Variants in ZC3H11A observed in about 807,000 individuals in gnomAD.
ZC3H11A encodes the protein zinc finger CCCH-type containing 11A, also known as zinc finger CCCH domain-containing protein 11A.
A neutral mutation model predicts 90.8 loss-of-function variants in ZC3H11A; 22 were observed. The ratio of observed to expected loss-of-function variants is 0.24; its 90% CI spans 0.17 to 0.35. ZC3H11A has a LOEUF of 0.35. Ranked by LOEUF, ZC3H11A falls within the 10% of genes least tolerant of loss-of-function variation. The pLI, the probability that ZC3H11A is intolerant of heterozygous loss-of-function variation, is 1.00. For missense variants in ZC3H11A, 701 were observed against 964.9 expected, an observed-to-expected ratio of 0.73 and a Z score of 3.62; for synonymous variants, 294 against 339.8, an observed-to-expected ratio of 0.87 and a Z score of 1.48.
rs59033094 is a variant in ZC3H11A at position 203,838,954 on chromosome 1, CAAAAAAAAAAAA to C, written c.973+900_973+911del. 9.2e-5 allele frequency among the ~76,000 whole-genome samples: 9 copies of C among 97,934 alleles called. No individual in the cohort carries two copies. The East Asian group carries it at 2.2e-3, about 23-fold the overall frequency. The allele number at this position is 97,934 out of a possible 152,430, so 64.2% of individuals were successfully genotyped here. On this transcript the variant is annotated intron_variant, in intron 11 of 17. Coordinates refer to ENST00000367210, the MANE Select transcript of ZC3H11A (RefSeq NM_001376342.1). ...TGGGTGACCGAGTGAGACTTCATCT[CAAAAAAAAAAAA>C]AAAAAAAAAGAAAGAAAGAAAGGTT...
At position 203,814,157 on chromosome 1, in the gene ZC3H11A, C is replaced by G. The variant is rs573702425; in HGVS notation, c.-145-2769C>G. On this transcript the variant is annotated intron_variant, in intron 2 of 17. Coordinates refer to ENST00000367210, the MANE Select transcript of ZC3H11A (RefSeq NM_001376342.1). ...CTTAGAAATCTCCTCAGCTAAAACC[C>G]AAGTTCATTGCTTCCAGGTTCTGCC... Among the ~76,000 whole-genome samples the G allele has an allele frequency of 7.9e-5, 12 of 152,240 alleles. No homozygotes were observed. The East Asian group carries it at 2.1e-3, about 27-fold the overall frequency.
At chr1:203,798,239 C>T in intron 1 of ZC3H11A, 1 of 1,536,000 alleles carries the variant, frequency 6.5e-7, no homozygotes, top group Non-Finnish European at 8.7e-7. Flanking sequence ...CATCTGATGC[C>T]CTAAGGGCAG....
intron 17 of ZC3H11A, 42 bp downstream of exon 17, chr1:203,851,166 G>T: frequency 6.3e-7 from 1 of 1,589,958 alleles, no homozygotes; most frequent in South Asian, 1.1e-5. Flanking sequence ...CCAGGCCCCT[G>T]TTACTGTTTA....
At chr1:203,834,047 T>C (rs1384845135) in intron 10 of ZC3H11A, 194 bp downstream of exon 10, 1 of 1,251,990 alleles carries the variant, frequency 8.0e-7, no homozygotes, top group East Asian at 3.2e-5. Flanking sequence ...AGTGTTACAA[T>C]TGAACTAGAT....
At chr1:203,819,771 T>C (rs1677862198) in intron 4 of ZC3H11A, among the ~76,000 whole-genome samples, 1 of 149,806 alleles carries the variant, frequency 6.7e-6, no homozygotes, top group African/African-American at 2.4e-5. Context: ...TGATCTCTGG[T>C]GATCCACTTG....
At chr1:203,808,864 G>A (rs910195417) in intron 2 of ZC3H11A, among the ~76,000 whole-genome samples, 3 of 151,802 alleles carry the variant, frequency 2.0e-5, no homozygotes, top group East Asian at 1.9e-4. Context: ...GCGTTTTTCT[G>A]TTGTTGCCCA....
chr1:203,814,552 C>T (rs1478909931), intron 2 of ZC3H11A, among the ~76,000 whole-genome samples: 3 of 151,974 alleles, frequency 2.0e-5, no homozygotes, highest in African/African-American at 7.2e-5. Context: ...AACCTTTCCT[C>T]CAGTTTCCAA....
intron 9 of ZC3H11A, among the ~76,000 whole-genome samples, chr1:203,833,140 C>G (rs879424445): frequency 1.3e-5 from 2 of 152,046 alleles, no homozygotes; most frequent in Non-Finnish European, 2.9e-5. Context: ...GAGGCCGAGG[C>G]GGGCAGATCA....
At chr1:203,827,495 A>G (rs1424804041) in intron 4 of ZC3H11A, among the ~76,000 whole-genome samples, 3 of 151,934 alleles carry the variant, frequency 2.0e-5, no homozygotes, top group East Asian at 1.9e-4. Context: ...CCTGGCTAAC[A>G]TGGTAAAACC....
chr1:203,813,002 T>C (rs1385340098), intron 2 of ZC3H11A, among the ~76,000 whole-genome samples: 1 of 152,192 alleles, frequency 6.6e-6, no homozygotes, highest in East Asian at 1.9e-4. Flanking sequence ...TCAGATCTTT[T>C]GCCTTTTTGA....
intron 4 of ZC3H11A, among the ~76,000 whole-genome samples, chr1:203,824,149 T>C (rs1470759425): frequency 6.6e-6 from 1 of 151,756 alleles, no homozygotes; most frequent in African/African-American, 2.4e-5. Flanking sequence ...AGCCATGTAG[T>C]CCCAGCTACT....
rs916115414 is a variant in ZC3H11A at position 203,854,035 on chromosome 1, T to C, written c.*1636T>C. 2.6e-5 allele frequency: 4 copies of C among 152,688 alleles called. No homozygotes were observed. Among genetic ancestry groups the C allele is most frequent in the African/African-American group, 9.6e-5 (4 of 41,478 alleles). 9.5% of individuals were successfully genotyped at this position (152,688 alleles called of 1,614,324 possible). A position where few individuals can be genotyped will look rare whatever the true frequency, so the allele number is the denominator to read the frequency against. ...TATTTAAAGCACTTGTATTAGTCAATGTTTCGTGTTCCGCATTATTTGAAC... is the reference window on the plus strand; with the variant it reads ...TATTTAAAGCACTTGTATTAGTCAACGTTTCGTGTTCCGCATTATTTGAAC... On this transcript the variant is annotated 3_prime_UTR_variant, in exon 18 of 18. Coordinates refer to ENST00000367210, the MANE Select transcript of ZC3H11A (RefSeq NM_001376342.1).
intron 10 of ZC3H11A, among the ~76,000 whole-genome samples, chr1:203,837,458 T>G (rs972111226): frequency 2.0e-5 from 3 of 151,828 alleles, no homozygotes; most frequent in Non-Finnish European, 4.4e-5. Flanking sequence ...GTCTCTCTTT[T>G]TTTTTTTTTC....
chr1:203,825,095 A>AG (rs397973128), intron 4 of ZC3H11A, among the ~76,000 whole-genome samples: 1 of 151,248 alleles, frequency 6.6e-6, no homozygotes, highest in Non-Finnish European at 1.5e-5. Flanking sequence ...AAAAAAAAAA[A>AG]GAAAATAGAT....
chr1:203,799,303 A>G (rs755566152), intron 1 of ZC3H11A: 2 of 715,322 alleles, frequency 2.8e-6, no homozygotes, highest in Admixed American at 2.0e-5. Context: ...GTCATTCAGG[A>G]CTTTTTCTGC....
intron 15 of ZC3H11A, 108 bp downstream of exon 15, chr1:203,850,134 T>C (rs1196640442): frequency 3.2e-6 from 3 of 941,748 alleles, no homozygotes; most frequent in Non-Finnish European, 4.9e-6. Context: ...TTCATTTGCC[T>C]TCTATCCACA....
intron 10 of ZC3H11A, 92 bp from the exon 11 acceptor site, chr1:203,837,874 A>G (rs1684872149): frequency 1.7e-6 from 2 of 1,206,114 alleles, no homozygotes; most frequent in East Asian, 2.3e-5. Flanking sequence ...AACACTTAAC[A>G]GAATTATGCT....
At chr1:203,842,625 CTT>C (rs575844553) in intron 12 of ZC3H11A, among the ~76,000 whole-genome samples, 16,748 of 128,194 alleles carry the variant, frequency 0.13, 1,227 homozygotes, top group Non-Finnish European at 0.16. Context: ...GAGGGGGAAT[CTT>C]TTTTTTTTTT....
chr1:203,830,189 C>A lies in ZC3H11A; in HGVS notation c.686C>A (p.Ser229Tyr). The change falls in exon 8 of 18, where the codon TCT becomes TAT. Residue 229 changes from serine (S) to tyrosine (Y), a missense_variant. Ser to Tyr is a moderately radical substitution (Grantham distance 144). Coordinates refer to ENST00000367210, the MANE Select transcript of ZC3H11A (RefSeq NM_001376342.1). Reference protein sequence around the residue: ...EIKSKKMKEKSKKQGEGSSGV... With the variant: ...EIKSKKMKEKYKKQGEGSSGV... ...AAGTCAAAGAAAATGAAGGAAAAATCTAAGAAGCAAGGTGGTAAGTCATCA... is the reference window on the plus strand; with the variant it reads ...AAGTCAAAGAAAATGAAGGAAAAATATAAGAAGCAAGGTGGTAAGTCATCA... 1.2e-6 allele frequency: 2 copies of A among 1,601,714 alleles called. No individual in the cohort carries two copies. The highest frequency in any genetic ancestry group is 1.7e-6 in the Non-Finnish European group (2 of 1,176,600).
Sources: gnomAD v4.1 joint callset for allele counts (sites outside exome capture counted in the v4.1 genomes callset) on GRCh38, gnomAD v4.1.1 for gene constraint, MANE v1.5 for transcripts, NCBI Gene and HGNC (gene_info 2026-07-23, HGNC 2026-07-21) for gene names.